The following STK33 variants were observed in gnomAD, a reference collection of about 807,000 sequenced individuals.
The protein encoded by STK33 is serine/threonine kinase 33.
A neutral mutation model predicts 58.0 loss-of-function variants in STK33; 52 were observed. That is an observed-to-expected ratio of 0.90 (90% CI 0.72 to 1.13). The LOEUF (loss-of-function observed/expected upper bound fraction) is 1.13. STK33 is among the 50% of genes most tolerant of loss of function. STK33 has a pLI of 0.00. For synonymous variants in STK33, 215 were observed against 200.1 expected, an observed-to-expected ratio of 1.07 and a Z score of -0.63; for missense variants, 630 against 604.2, an observed-to-expected ratio of 1.04 and a Z score of -0.45.
Position 8,515,748 on chromosome 11 carries a change from T to C in STK33, c.-465-35134A>G, listed in dbSNP as rs191494227. The stretch of plus-strand genomic sequence containing the variant: ...AAATAAAATCACATCTTTGTCTCAA[T>C]AGATGCAGAGAAGCATTTGGATAAA... On this transcript the variant is annotated intron_variant, in intron 1 of 15. Coordinates refer to ENST00000687296, the MANE Select transcript of STK33 (RefSeq NM_001352389.2). Among the ~76,000 whole-genome samples, 106 of 152,276 alleles carry C rather than the reference T, an allele frequency of 7.0e-4. 1 individual carries two copies. Among genetic ancestry groups the C allele is most frequent in the African/African-American group, 2.3e-3 (95 of 41,560 alleles).
intron 11 of STK33, among the ~76,000 whole-genome samples, chr11:8,448,386 T>A (rs899147734): frequency 3.9e-5 from 6 of 152,212 alleles, no homozygotes; most frequent in South Asian, 4.1e-4. Context: ...CAAACTATAC[T>A]ACAAGGCTAC....
chr11:8,361,513 G>A, the STK33 span, among the ~76,000 whole-genome samples: 6 of 78,784 alleles, frequency 7.6e-5, no homozygotes, highest in African/African-American at 2.9e-4. The surrounding 1 kb of genome is among the most constrained non-coding windows in gnomAD (Gnocchi z 4.8). Context: ...CCTCTCCACC[G>A]CCCCCACCAA....
chr11:8,426,360 C>G (rs1942754845), intron 14 of STK33, among the ~76,000 whole-genome samples: 1 of 152,232 alleles, frequency 6.6e-6, no homozygotes, highest in Non-Finnish European at 1.5e-5. Context: ...GCTTGTGCGT[C>G]TGCCTGCTAG....
Position 8,402,873 on chromosome 11 carries a change from C to T in STK33, c.1345-10163G>A, listed in dbSNP as rs561065333. On this transcript the variant is annotated intron_variant, in intron 15 of 15. Coordinates refer to ENST00000687296, the MANE Select transcript of STK33 (RefSeq NM_001352389.2). ...TAGGTTATAGATTATCTAAGTTTTGCGTTTCTCCTTTTCTTCTCTCATAGC... is the reference window on the plus strand; with the variant it reads ...TAGGTTATAGATTATCTAAGTTTTGTGTTTCTCCTTTTCTTCTCTCATAGC... Among the ~76,000 whole-genome samples, 103 of 152,272 alleles carry T rather than the reference C, an allele frequency of 6.8e-4. 2 individuals carry two copies. Among genetic ancestry groups the T allele is most frequent in the Admixed American group, 9.8e-4 (15 of 15,302 alleles).
chr11:8,576,651 G>C (rs1363389524), intron 1 of STK33, among the ~76,000 whole-genome samples: 1 of 152,122 alleles, frequency 6.6e-6, no homozygotes, highest in African/African-American at 2.4e-5. Context: ...TGGGAATATT[G>C]TCTCACTTAA....
the STK33 span, among the ~76,000 whole-genome samples, chr11:8,376,660 G>A: frequency 3.2e-4 from 48 of 152,092 alleles, no homozygotes; most frequent in Admixed American, 2.9e-3. Flanking sequence ...CCCTGCCTCA[G>A]CCTCCTGAGT....
the STK33 span, among the ~76,000 whole-genome samples, chr11:8,367,310 G>C: frequency 2.0e-5 from 3 of 152,226 alleles, no homozygotes; most frequent in Non-Finnish European, 2.9e-5. Context: ...TGCAGATTGT[G>C]AGTGCGTGGG....
intron 11 of STK33, among the ~76,000 whole-genome samples, chr11:8,450,381 G>A (rs567217760): frequency 1.0e-3 from 152 of 152,064 alleles, no homozygotes; most frequent in Middle Eastern, 6.8e-3. Context: ...ACAGGGAGGC[G>A]AACATCACAC....
chr11:8,474,514 A>C, intron 5 of STK33, 167 bp downstream of exon 5: 1 of 504,850 alleles, frequency 2.0e-6, no homozygotes, highest in Non-Finnish European at 3.4e-6. Context: ...ATCATATAAC[A>C]AGTTACTAAC....
At chr11:8,507,366 G>A (rs1397411693) in intron 1 of STK33, among the ~76,000 whole-genome samples, 2 of 152,196 alleles carry the variant, frequency 1.3e-5, no homozygotes, top group Non-Finnish European at 1.5e-5. Context: ...GTAAATTGGA[G>A]ATAACAGAGC....
rs1411928876 is a variant in STK33 at position 8,452,010 on chromosome 11, C to A, written c.871+812G>T. 2.0e-5 allele frequency among the ~76,000 whole-genome samples: 3 copies of A among 152,014 alleles called. No homozygotes were observed. The East Asian group carries it at 5.8e-4, about 29-fold the overall frequency. ...TTGAAGTCAGGAGTTTTAGATCAGC[C>A]CGGCCAACACGGCAAAAACCTGTCT... On this transcript the variant is annotated intron_variant, in intron 11 of 15. Coordinates refer to ENST00000687296, the MANE Select transcript of STK33 (RefSeq NM_001352389.2).
chr11:8,531,410 G>T (rs916344477), intron 1 of STK33, among the ~76,000 whole-genome samples: 2 of 152,216 alleles, frequency 1.3e-5, no homozygotes, highest in Non-Finnish European at 2.9e-5. Flanking sequence ...GATGCTTTAG[G>T]TCAAGAATTC....
chr11:8,399,578 A>G (rs1850012852), intron 15 of STK33, among the ~76,000 whole-genome samples: 1 of 152,210 alleles, frequency 6.6e-6, no homozygotes, highest in South Asian at 2.1e-4. Flanking sequence ...AAGAGCAAAC[A>G]CATTCAAAAG....
chr11:8,435,630 G>T, intron 13 of STK33, 51 bp from the exon 14 acceptor site: 1 of 1,138,802 alleles, frequency 8.8e-7, no homozygotes, highest in Non-Finnish European at 1.2e-6. Flanking sequence ...ACAATTAATA[G>T]CATACATTTT....
At chr11:8,572,994 T>A (rs1957929790) in intron 1 of STK33, among the ~76,000 whole-genome samples, 1 of 151,906 alleles carries the variant, frequency 6.6e-6, no homozygotes, top group Non-Finnish European at 1.5e-5. Context: ...AGAGGTGAAG[T>A]ATTTCTAAAC....
rs571902366 is a variant in STK33, at chr11:8,547,894, G to C, written c.-466+46189C>G. Among the ~76,000 whole-genome samples the C allele has an allele frequency of 2.8e-4, 43 of 151,902 alleles. No homozygotes were observed. In the East Asian group the frequency reaches 6.0e-3, roughly 21 times the overall value. ...AGATGAAGCTGGAAACCATCATTCT[G>C]AGCAAACTATCACAAGGACAGAAAA... On this transcript the variant is annotated intron_variant, in intron 1 of 15. Transcript: ENST00000687296.
At chr11:8,493,745 C>T (rs1045658596) in intron 1 of STK33, among the ~76,000 whole-genome samples, 6 of 152,066 alleles carry the variant, frequency 3.9e-5, no homozygotes, top group African/African-American at 1.4e-4. Flanking sequence ...AAAGTTTATC[C>T]ACCACGATCA....
intron 9 of STK33, among the ~76,000 whole-genome samples, chr11:8,455,844 A>G (rs980473881): frequency 6.7e-6 from 1 of 149,928 alleles, no homozygotes; most frequent in Non-Finnish European, 1.5e-5. Flanking sequence ...AAAGTTACAC[A>G]CATAATTGCT....
chr11:8,402,464 G>T (rs530037900), intron 15 of STK33, among the ~76,000 whole-genome samples: 18 of 152,270 alleles, frequency 1.2e-4, no homozygotes, highest in African/African-American at 3.6e-4. Flanking sequence ...GGGGCCTGTT[G>T]TGGGGTGGGG....
Sources: gnomAD v4.1 joint callset for allele counts (sites outside exome capture counted in the v4.1 genomes callset) on GRCh38, gnomAD v4.1.1 for gene constraint, Gnocchi (gnomAD v3.1) non-coding constraint, MANE v1.5 for transcripts, NCBI Gene and HGNC (gene_info 2026-07-23, HGNC 2026-07-21) for gene names.